CLIP2: variants seen among roughly 807,000 people sequenced by gnomAD.
The protein encoded by CLIP2 is CAP-Gly domain containing linker protein 2, also known as CAP-Gly domain-containing linker protein 2.
A neutral mutation model predicts 111.7 loss-of-function variants in CLIP2; 41 were observed. The ratio of observed to expected loss-of-function variants is 0.37; its 90% CI spans 0.29 to 0.48. The LOEUF is 0.48. Ranked by LOEUF, CLIP2 falls within the 20% of genes least tolerant of loss-of-function variation. The pLI, the probability that CLIP2 is intolerant of heterozygous loss-of-function variation, is 0.99. For missense variants in CLIP2, 1,160 were observed against 1,422.1 expected (o/e 0.82, Z 2.96); for synonymous variants, 660 against 644.2 (o/e 1.02, Z -0.37).
chr7:74,389,287 C>T, intron 13 of CLIP2, 28 bp downstream of exon 13: 1 of 1,542,818 alleles, frequency 6.5e-7, no homozygotes, highest in South Asian at 1.2e-5. Context: ...CCGGCTGGGT[C>T]CTCCCTGTGG....
At chr7:74,386,316 A>C in intron 11 of CLIP2, 1 of 434,010 alleles carries the variant, frequency 2.3e-6, no homozygotes, top group Non-Finnish European at 4.1e-6. Context: ...CTGGGATTAC[A>C]GGCATGAGCC....
rs1334721856 is a variant in CLIP2, at chr7:74,356,301, GA to G, written c.804-108del. On this transcript the variant is annotated intron_variant, in intron 4 of 16. Coordinates refer to ENST00000223398, the MANE Select transcript of CLIP2 (RefSeq NM_003388.5). Reference sequence around the variant, plus strand: ...AGTGTCTTTCCACATGGGCCCCAAGGAGGTGTCTTTCTCTCTTTCTGCCAGG... The same window carrying G: ...AGTGTCTTTCCACATGGGCCCCAAGGGGTGTCTTTCTCTCTTTCTGCCAGG... 1.4e-5 allele frequency: 12 copies of G among 886,206 alleles called. 1 individual carries two copies. Among genetic ancestry groups the G allele is most frequent in the Middle Eastern group, 2.2e-4 (1 of 4,578 alleles). The allele number at this position is 886,206 out of a possible 1,614,324, so 54.9% of individuals were successfully genotyped here.
In CLIP2 at chr7:74,338,928, A is replaced by T; in HGVS notation, c.602A>T (p.Glu201Val). 6.2e-7 allele frequency: 1 copy of T among 1,600,982 alleles called. No individual in the cohort carries two copies. Among genetic ancestry groups the T allele is most frequent in the Non-Finnish European group, 8.5e-7 (1 of 1,179,836 alleles). The change falls in exon 3 of 17, where the codon GAG (glutamate) becomes GTG (valine). Residue 201 changes from glutamate to valine, a missense_variant. Glu to Val is a moderately radical substitution (Grantham distance 121). Transcript: ENST00000223398. This position sits in a 1 kb window ranked among gnomAD's most constrained non-coding sequence, Gnocchi z 4.3. ...AACAGCTCCGTGAAGACTGGCAACGAGTCGGGATCCAACCTCTCAGACAGC... is the reference window on the plus strand; with the variant it reads ...AACAGCTCCGTGAAGACTGGCAACGTGTCGGGATCCAACCTCTCAGACAGC... Reference protein sequence around the residue: ...VLNSSVKTGNESGSNLSDSGS... With the variant: ...VLNSSVKTGNVSGSNLSDSGS...
intron 2 of CLIP2, among the ~76,000 whole-genome samples, chr7:74,337,076 C>T (rs61442484): frequency 0.035 from 5,250 of 151,552 alleles, 314 homozygotes; most frequent in African/African-American, 0.12. Context: ...TTAGTAGAGA[C>T]GGGGTTTCAC....
intron 3 of CLIP2, among the ~76,000 whole-genome samples, chr7:74,349,621 T>C (rs1292520495): frequency 2.1e-4 from 31 of 151,102 alleles, no homozygotes; most frequent in Non-Finnish European, 1.5e-5. Flanking sequence ...CCACATATTG[T>C]GTGATTCCAT....
Position 74,403,895 on chromosome 7 carries a change from C to A in CLIP2, c.*47C>A, listed in dbSNP as rs773814576. On this transcript the variant is annotated 3_prime_UTR_variant, in exon 17 of 17. Transcript: ENST00000223398. ...CAGCCCAGTCCACACCAGAGCCCCA[C>A]GCGGCTGCCCGGCAGTACCTCCTCC... 8.1e-6 allele frequency: 13 copies of A among 1,607,924 alleles called. No homozygotes were observed. The highest frequency in any genetic ancestry group is 1.1e-5 in the Non-Finnish European group (13 of 1,176,830).
At chr7:74,348,511 C>T (rs924196612) in intron 3 of CLIP2, among the ~76,000 whole-genome samples, 29 of 151,506 alleles carry the variant, frequency 1.9e-4, no homozygotes, top group Non-Finnish European at 3.2e-4. Flanking sequence ...ATGAGAGGGC[C>T]GGGTGCGGTG....
rs1789671670 is a variant in CLIP2, at chr7:74,342,102, A to C, written c.678+3098A>C. ...GAGAAACTGTGAGAAGAGGCCTGGC[A>C]TGGTGGTTCACACCTGTAATCCCAG... On this transcript the variant is annotated intron_variant, in intron 3 of 16. Transcript: ENST00000223398. Among the ~76,000 whole-genome samples, 4 of 152,178 alleles carry C rather than the reference A, an allele frequency of 2.6e-5. No homozygotes were observed. The South Asian group carries it at 8.3e-4, about 31-fold the overall frequency.
At chr7:74,400,614 C>A in intron 15 of CLIP2, 59 bp downstream of exon 15, 1 of 1,440,606 alleles carries the variant, frequency 6.9e-7, no homozygotes, top group Non-Finnish European at 9.2e-7. Context: ...GTCCTCGGAG[C>A]CCCCGTCTGA....
At chr7:74,331,040 A>G (rs1489016230) in intron 2 of CLIP2, among the ~76,000 whole-genome samples, 4 of 151,634 alleles carry the variant, frequency 2.6e-5, no homozygotes, top group Non-Finnish European at 4.4e-5. Flanking sequence ...CCCCGTCTCT[A>G]CCAAAAATAC....
rs34885959 is a variant in CLIP2 at position 74,375,546 on chromosome 7, CAAAAAAAAA to C, written c.1486-322_1486-314del. On this transcript the variant is annotated intron_variant, in intron 9 of 16. Transcript: ENST00000223398. ...CCAGCCTGCGTGACAGAGCGAGACT[CAAAAAAAAA>C]AAAAAAAAAAAAAAAAAAGCTGTAA... 1.3e-3 allele frequency among the ~76,000 whole-genome samples: 42 copies of C among 33,182 alleles called. 1 individual carries two copies. In the East Asian group the frequency reaches 0.032, roughly 25 times the overall value. 21.8% of individuals were successfully genotyped at this position (33,182 alleles called of 152,430 possible). A position where few individuals can be genotyped will look rare whatever the true frequency, so the allele number is the denominator to read the frequency against.
At chr7:74,362,350 G>GTC (rs1790352878) in intron 7 of CLIP2, among the ~76,000 whole-genome samples, 1 of 152,042 alleles carries the variant, frequency 6.6e-6, no homozygotes, top group Non-Finnish European at 1.5e-5. Flanking sequence ...CCCCACTTGG[G>GTC]TCTGTTCTGT....
At chr7:74,350,719 TTAGC>T (rs1789960190) in intron 3 of CLIP2, among the ~76,000 whole-genome samples, 1 of 151,822 alleles carries the variant, frequency 6.6e-6, no homozygotes, top group South Asian at 2.1e-4. Flanking sequence ...TGTTCAAAAA[TTAGC>T]TAGGTATCGT....
At position 74,316,826 on chromosome 7, in the gene CLIP2, T is replaced by C. The variant is rs185472576; in HGVS notation, c.-67-654T>C. ...ATCCACTCGCCTCAGCCTCCCAAAGTGCTGGGATTACAGGCATCAGCCACT... is the reference window on the plus strand; with the variant it reads ...ATCCACTCGCCTCAGCCTCCCAAAGCGCTGGGATTACAGGCATCAGCCACT... On this transcript the variant is annotated intron_variant, in intron 1 of 16. Transcript: ENST00000223398. Among the ~76,000 whole-genome samples, 42 of 152,278 alleles carry C rather than the reference T, an allele frequency of 2.8e-4. No individual in the cohort carries two copies. In the East Asian group the frequency reaches 6.6e-3, roughly 24 times the overall value.
Position 74,376,970 on chromosome 7 carries a change from G to A in CLIP2, c.2421+148G>A, listed in dbSNP as rs1428595673. 2 of 787,732 alleles carry A rather than the reference G, an allele frequency of 2.5e-6. No individual in the cohort carries two copies. Among genetic ancestry groups the A allele is most frequent in the Admixed American group, 5.9e-5 (2 of 34,014 alleles). The allele number at this position is 787,732 out of a possible 1,614,324, so 48.8% of individuals were successfully genotyped here. A position where few individuals can be genotyped will look rare whatever the true frequency, so the allele number is the denominator to read the frequency against. On this transcript the variant is annotated intron_variant, in intron 10 of 16. Transcript: ENST00000223398. The surrounding 1 kb of genome is among the most constrained non-coding windows in gnomAD (Gnocchi z 7.1). The stretch of plus-strand genomic sequence containing the variant: ...GTCAAGGAAGGGGTCACCTGGCTTA[G>A]AGGAGGAGGAGCTCCTTGGCCCTCT...
intron 3 of CLIP2, among the ~76,000 whole-genome samples, chr7:74,349,812 A>G (rs1789929318): frequency 6.6e-6 from 1 of 151,432 alleles, no homozygotes; most frequent in Non-Finnish European, 1.5e-5. Flanking sequence ...ATAGGGTTGC[A>G]CCATGTTGGC....
At chr7:74,321,071 G>A (rs1788938941) in intron 2 of CLIP2, among the ~76,000 whole-genome samples, 1 of 152,128 alleles carries the variant, frequency 6.6e-6, no homozygotes, top group Admixed American at 6.6e-5. Context: ...TGCTCCTGCT[G>A]TGTGACCCTG....
At chr7:74,402,029 G>A (rs1012813443) in intron 16 of CLIP2, among the ~76,000 whole-genome samples, 6 of 151,806 alleles carry the variant, frequency 4.0e-5, no homozygotes, top group South Asian at 2.1e-4. Flanking sequence ...TTGGGAGGCC[G>A]AGGCCGGTGG....
At chr7:74,329,094 T>TG (rs1789203891) in intron 2 of CLIP2, among the ~76,000 whole-genome samples, 1 of 146,410 alleles carries the variant, frequency 6.8e-6, no homozygotes, top group South Asian at 2.1e-4. Flanking sequence ...TTGGTTTTTT[T>TG]TTTTTTTTTT....
Sources: gnomAD v4.1 joint callset for allele counts (sites outside exome capture counted in the v4.1 genomes callset) on GRCh38, gnomAD v4.1.1 for gene constraint, Gnocchi (gnomAD v3.1) non-coding constraint, MANE v1.5 for transcripts, NCBI Gene and HGNC (gene_info 2026-07-23, HGNC 2026-07-21) for gene names.